The following POTEE variants were observed in gnomAD, a reference collection of about 807,000 sequenced individuals.
The protein encoded by POTEE is POTE ankyrin domain family member E.
Under a neutral mutation model 74.2 loss-of-function variants are expected in POTEE, and 21 were observed. The observed-to-expected ratio is 0.28, with a 90% confidence interval of 0.20 to 0.41. The LOEUF (loss-of-function observed/expected upper bound fraction) is 0.41, where lower values mean the gene tolerates loss of function less well. POTEE is among the 10% of genes least tolerant of loss of function. The pLI, the probability that POTEE is intolerant of heterozygous loss-of-function variation, is 1.00. For synonymous variants in POTEE, 211 were observed against 432.8 expected, an observed-to-expected ratio of 0.49 and a Z score of 6.36; for missense variants, 525 against 1,158.6, an observed-to-expected ratio of 0.45 and a Z score of 7.94.
At chr2:131,248,091 A>AT (rs1701386715) in intron 13 of POTEE, among the ~76,000 whole-genome samples, 1 of 145,224 alleles carries the variant, frequency 6.9e-6, no homozygotes, top group African/African-American at 2.6e-5. Flanking sequence ...GCATCAATGT[A>AT]TTACAAGGTT....
At chr2:131,227,364 C>T (rs1315839062) in intron 7 of POTEE, among the ~76,000 whole-genome samples, 1 of 148,874 alleles carries the variant, frequency 6.7e-6, no homozygotes, top group Non-Finnish European at 1.5e-5. Flanking sequence ...TTTTTAATGA[C>T]TTTGCTTTAA....
intron 9 of POTEE, among the ~76,000 whole-genome samples, chr2:131,235,690 A>C (rs1207958406): frequency 6.7e-6 from 1 of 149,878 alleles, no homozygotes; most frequent in Admixed American, 6.7e-5. Flanking sequence ...TTCTCCGGAG[A>C]CTGAGACAGG....
At chr2:131,226,726 G>A (rs964187615) in intron 6 of POTEE, 97 bp from the exon 7 acceptor site, 70 of 1,572,580 alleles carry the variant, frequency 4.5e-5, no homozygotes, top group Admixed American at 3.1e-4. Flanking sequence ...CTTTCTATGC[G>A]TGTAAGTCCA....
rs1430439576 is a variant in POTEE at position 131,221,869 on chromosome 2, A to ACT, written c.522-1725_522-1724dup. Among the ~76,000 whole-genome samples, 6 of 152,318 alleles carry ACT rather than the reference A, an allele frequency of 3.9e-5. No individual in the cohort carries two copies. In the East Asian group the frequency reaches 1.2e-3, roughly 29 times the overall value. On this transcript the variant is annotated intron_variant, in intron 4 of 17. Transcript: ENST00000683005. ...CAGGAGTTTTCTTTGAAAATACTGA[A>ACT]CTCCCAAGCTGTGTTCATCCATTCT...
At position 131,209,756 on chromosome 2, in the gene POTEE, C is replaced by G. The variant is rs1157784530; in HGVS notation, c.-408C>G. 6.6e-6 allele frequency among the ~76,000 whole-genome samples: 1 copy of G among 152,218 alleles called. No individual in the cohort carries two copies. Among genetic ancestry groups the G allele is most frequent in the African/African-American group, 2.4e-5 (1 of 41,466 alleles). On this transcript the variant is annotated 5_prime_UTR_variant, in exon 1 of 18. Transcript: ENST00000683005. ...GCCTGAGCCCCTGGGGCTCGCCTTG[C>G]TGTGTTTGGTGGTGACGTGGGACAC...
In POTEE at chr2:131,218,805, G is replaced by T. The variant is rs369272280; in HGVS notation, c.403G>T (p.Val135Phe). The T allele has an allele frequency of 6.2e-7, 1 of 1,612,712 alleles. No homozygotes were observed. Among genetic ancestry groups the T allele is most frequent in the Non-Finnish European group, 8.5e-7 (1 of 1,179,866 alleles). Residue 135 changes from valine (V) to phenylalanine (F), a missense_variant, in exon 4 of 18, where the codon GTC (valine) becomes TTC (phenylalanine). Physicochemically the swap from Val to Phe is conservative, Grantham distance 50. Transcript: ENST00000683005. ...CGCCTTCATGGAGCCCAGGTACCAC[G>T]TCCGTGGAGAAGATCTGGACAAGCT... is the stretch of plus-strand genomic sequence containing the variant. The part of the protein sequence containing the change: ...DSAFMEPRYH[V>F]RGEDLDKLHR...
intron 9 of POTEE, among the ~76,000 whole-genome samples, chr2:131,232,036 T>G (rs1465879292): frequency 5.9e-5 from 9 of 151,630 alleles, no homozygotes; most frequent in Admixed American, 1.3e-4. Context: ...AGAAAACATT[T>G]CTATTTATGT....
chr2:131,233,084 A>G (rs544526275), intron 9 of POTEE, among the ~76,000 whole-genome samples: 4 of 152,110 alleles, frequency 2.6e-5, no homozygotes, highest in Non-Finnish European at 5.9e-5. Flanking sequence ...AAGAAAGAAT[A>G]AGGAATGGCT....
At chr2:131,218,257 C>T (rs1273439911) in intron 3 of POTEE, 53 bp from the exon 4 acceptor site, 8 of 1,465,508 alleles carry the variant, frequency 5.5e-6, no homozygotes, top group African/African-American at 1.4e-5. Flanking sequence ...GGGCTGGAAT[C>T]CCCTGCTGGG....
At chr2:131,260,228 A>G (rs1434420794) in intron 16 of POTEE, among the ~76,000 whole-genome samples, 2 of 149,984 alleles carry the variant, frequency 1.3e-5, no homozygotes, top group Non-Finnish European at 2.9e-5. Context: ...GTCTTAGAGT[A>G]TCATTTGAAG....
intron 16 of POTEE, among the ~76,000 whole-genome samples, chr2:131,258,654 A>G (rs62178363): frequency 0.85 from 124,047 of 146,454 alleles, 51,267 homozygotes; most frequent in Admixed American, 0.89. Context: ...TAGGTTAAAA[A>G]TGAAGAAAAT....
intron 2 of POTEE, among the ~76,000 whole-genome samples, chr2:131,212,384 A>C (rs377148777): frequency 6.7e-6 from 1 of 150,240 alleles, no homozygotes; most frequent in African/African-American, 2.4e-5. Flanking sequence ...CTAATGCGTT[A>C]TAAGTAGTTA....
chr2:131,260,908 ATC>A (rs1179735334), intron 16 of POTEE, among the ~76,000 whole-genome samples: 4 of 109,368 alleles, frequency 3.7e-5, no homozygotes, highest in Non-Finnish European at 3.7e-5. Flanking sequence ...TTTATTTCAC[ATC>A]TCTCTCTCAT....
At position 131,263,426 on chromosome 2, in the gene POTEE, G is replaced by C. The variant is rs200620892; in HGVS notation, c.1971G>C (p.Met657Ile). 2.6e-3 allele frequency: 4,226 copies of C among 1,611,772 alleles called. 58 individuals carry two copies. In the African/African-American group the frequency reaches 0.05, roughly 19 times the overall value. Residue 657 changes from methionine to isoleucine, a missense_variant, in exon 18 of 18, where the codon ATG (methionine) becomes ATC (isoleucine). Coordinates refer to ENST00000683005, the MANE Select transcript of POTEE (RefSeq NM_001083538.3). ...ENSTLREEIA[M>I]LRLELDTMKH... is the part of the protein sequence containing the mutation. The stretch of plus-strand genomic sequence containing the variant: ...GTACGTTGCGGGAAGAAATTGCCAT[G>C]CTAAGACTGGAGCTAGACACAATGA...
At chr2:131,216,846 T>G (rs1700452786) in intron 2 of POTEE, among the ~76,000 whole-genome samples, 4 of 151,626 alleles carry the variant, frequency 2.6e-5, no homozygotes. Context: ...ATGTCCAGAA[T>G]AGGCAAATCC....
At chr2:131,260,034 CAT>C (rs1394317659) in intron 16 of POTEE, among the ~76,000 whole-genome samples, 116 of 111,304 alleles carry the variant, frequency 1.0e-3, no homozygotes, top group Non-Finnish European at 1.8e-3. Context: ...CATTCTTCCA[CAT>C]GTGGCTATCT....
At chr2:131,227,326 A>T (rs1333974405) in intron 7 of POTEE, among the ~76,000 whole-genome samples, 1 of 149,996 alleles carries the variant, frequency 6.7e-6, no homozygotes, top group East Asian at 1.9e-4. Flanking sequence ...TGTATTAAAC[A>T]TAAATAGGGG....
intron 2 of POTEE, among the ~76,000 whole-genome samples, chr2:131,214,230 T>G (rs138206350): frequency 3.7e-3 from 558 of 152,368 alleles, no homozygotes; most frequent in African/African-American, 0.013. Context: ...TCTCCTCTGT[T>G]TTGCCTTGCG....
intron 9 of POTEE, among the ~76,000 whole-genome samples, chr2:131,232,895 A>G (rs1701008112): frequency 6.6e-6 from 1 of 151,958 alleles, no homozygotes; most frequent in African/African-American, 2.4e-5. Context: ...GAGAAAACTT[A>G]GAAGCATGCA....
Sources: allele counts gnomAD v4.1 joint callset (sites outside exome capture counted in the v4.1 genomes callset), GRCh38; gene constraint gnomAD v4.1.1; transcripts MANE v1.5; gene names NCBI Gene and HGNC (gene_info 2026-07-23, HGNC 2026-07-21).